The following CCNY variants were observed in gnomAD, a reference collection of about 807,000 sequenced individuals.
CCNY encodes the protein cyclin-Y.
CCNY carries 19 observed loss-of-function variants against 42.8 expected under a neutral mutation model. That is an observed-to-expected ratio of 0.44 (90% CI 0.31 to 0.65). The LOEUF (loss-of-function observed/expected upper bound fraction) is 0.65. CCNY is among the 30% of genes least tolerant of loss of function. The pLI is 0.07. For missense variants in CCNY, 370 were observed against 437.3 expected (o/e 0.85, Z 1.37); for synonymous variants, 165 against 162.7 (o/e 1.01, Z -0.11).
At chr10:35,545,689 C>G in intron 7 of CCNY, among the ~76,000 whole-genome samples, 1 of 152,124 alleles carries the variant, frequency 6.6e-6, no homozygotes, top group Non-Finnish European at 1.5e-5. Context: ...TAACCCATAT[C>G]CACAGGATAC....
intron 3 of CCNY, among the ~76,000 whole-genome samples, chr10:35,278,202 G>A (rs1362505595): frequency 2.0e-5 from 3 of 152,036 alleles, no homozygotes; most frequent in African/African-American, 7.2e-5. Flanking sequence ...CTATCATTAG[G>A]GACTGTCAAG....
At chr10:35,251,233 C>T (rs868752464) in intron 3 of CCNY, among the ~76,000 whole-genome samples, 62 of 151,602 alleles carry the variant, frequency 4.1e-4, no homozygotes, top group Middle Eastern at 3.4e-3. Flanking sequence ...CACATCTCGA[C>T]AAAAATAAAT....
intron 4 of CCNY, among the ~76,000 whole-genome samples, chr10:35,519,404 C>T (rs1840498162): frequency 6.6e-6 from 1 of 152,060 alleles, no homozygotes; most frequent in African/African-American, 2.4e-5. Context: ...TTGATTGAAT[C>T]TGGCTGAGGC....
intron 1 of CCNY, among the ~76,000 whole-genome samples, chr10:35,355,409 G>T (rs941391772): frequency 6.6e-6 from 1 of 151,992 alleles, no homozygotes; most frequent in Non-Finnish European, 1.5e-5. Context: ...GCGTGCGGTG[G>T]CTCCTGCCTT....
At chr10:35,284,828 A>T (rs147553094) in intron 3 of CCNY, among the ~76,000 whole-genome samples, 1 of 152,200 alleles carries the variant, frequency 6.6e-6, no homozygotes, top group Non-Finnish European at 1.5e-5. Flanking sequence ...TTTTCACTCA[A>T]TTCAAAATAA....
In CCNY at chr10:35,569,141, C is replaced by G. The variant is rs778417543; in HGVS notation, c.997C>G (p.Pro333Ala). The G allele has an allele frequency of 6.2e-7, 1 of 1,610,662 alleles. No homozygotes were observed. Among genetic ancestry groups the G allele is most frequent in the Non-Finnish European group, 8.5e-7 (1 of 1,178,570 alleles). Reference protein sequence around the residue: ...RSASADNLTLPRWSPAIIS With the variant: ...RSASADNLTLARWSPAIIS The stretch of plus-strand genomic sequence containing the variant: ...AGCCAGTGCAGACAACCTGACTCTG[C>G]CCCGGTGGTCCCCAGCCATCATCTC... The change falls in exon 10 of 10, where the codon CCC (proline) becomes GCC (alanine). Residue 333 changes from proline (P) to alanine (A), a missense_variant. Coordinates refer to ENST00000374704, the MANE Select transcript of CCNY (RefSeq NM_145012.6).
At chr10:35,527,069 C>T (rs1840668051) in intron 5 of CCNY, among the ~76,000 whole-genome samples, 2 of 141,894 alleles carry the variant, frequency 1.4e-5, no homozygotes, top group South Asian at 4.6e-4. Flanking sequence ...GGAGAAAACA[C>T]GAATATCCAG....
At chr10:35,465,460 A>G (rs1839239754) in intron 1 of CCNY, among the ~76,000 whole-genome samples, 7 of 152,192 alleles carry the variant, frequency 4.6e-5, no homozygotes, top group Admixed American at 4.6e-4. Flanking sequence ...TTTAATGAAT[A>G]TCCTTCTAAA....
intron 5 of CCNY, among the ~76,000 whole-genome samples, chr10:35,529,358 T>G (rs930762948): frequency 2.0e-5 from 3 of 152,204 alleles, no homozygotes; most frequent in African/African-American, 7.2e-5. Flanking sequence ...CAACCTTTGC[T>G]TGGAAATAAG....
rs138543549 is a variant in CCNY at position 35,444,370 on chromosome 10, C to T, written c.155-39034C>T. 4.5e-4 allele frequency among the ~76,000 whole-genome samples: 69 copies of T among 152,098 alleles called. 1 individual carries two copies. In the East Asian group the frequency reaches 0.011, roughly 25 times the overall value. On this transcript the variant is annotated intron_variant, in intron 1 of 9. Coordinates refer to ENST00000374704, the MANE Select transcript of CCNY (RefSeq NM_145012.6). ...TCAAGCTATTCTCCTGCCTCAGCCT[C>T]CCAAGTAGCTGGGATTATGGGTGTG...
At chr10:35,422,829 T>G (rs1194712847) in intron 1 of CCNY, among the ~76,000 whole-genome samples, 2 of 152,216 alleles carry the variant, frequency 1.3e-5, no homozygotes, top group Non-Finnish European at 2.9e-5. Context: ...TTTTTTTGTT[T>G]TATTGCTAAA....
intron 1 of CCNY, among the ~76,000 whole-genome samples, chr10:35,457,363 T>C (rs962510054): frequency 1.5e-4 from 23 of 152,308 alleles, no homozygotes; most frequent in Middle Eastern, 3.4e-3. Flanking sequence ...TGTGGTCATA[T>C]TGTCCACAGG....
chr10:35,558,136 G>T (rs1002895213), intron 8 of CCNY, among the ~76,000 whole-genome samples: 8 of 152,222 alleles, frequency 5.3e-5, no homozygotes, highest in African/African-American at 1.7e-4. Flanking sequence ...CATCTAAGTA[G>T]CCTGTCACTA....
Position 35,501,497 on chromosome 10 carries a change from A to G in CCNY, c.230-4A>G, listed in dbSNP as rs564790949. On this transcript the variant is annotated splice_region_variant and splice_polypyrimidine_tract_variant and intron_variant, in intron 2 of 9. Coordinates refer to ENST00000374704, the MANE Select transcript of CCNY (RefSeq NM_145012.6). ...CATTTCTGTTGCATCTTTTGTTTTC[A>G]CAGTGAGAGAAAAACGCAAGAGTCT... 2.0e-4 allele frequency: 319 copies of G among 1,613,682 alleles called. 1 individual carries two copies. The South Asian group carries it at 2.7e-3, about 14-fold the overall frequency.
intron 4 of CCNY, among the ~76,000 whole-genome samples, chr10:35,518,692 G>C (rs917103372): frequency 7.1e-6 from 1 of 140,784 alleles, no homozygotes; most frequent in Non-Finnish European, 1.5e-5. Context: ...GAGGTATACT[G>C]TGGGTATCTG....
chr10:35,531,832 G>A lies in CCNY; in HGVS notation c.579+1589G>A, dbSNP rs145066285. ...TTATTTAGCTTGAAGGATGTTCAGG[G>A]CCAGCATTTAAACCCCACAGCTCAC... On this transcript the variant is annotated intron_variant, in intron 7 of 9. Transcript: ENST00000374704. Among the ~76,000 whole-genome samples, 7 of 152,286 alleles carry A rather than the reference G, an allele frequency of 4.6e-5. No homozygotes were observed. In the East Asian group the frequency reaches 1.4e-3, roughly 29 times the overall value.
chr10:35,453,084 C>G (rs1366179964), intron 1 of CCNY, among the ~76,000 whole-genome samples: 1 of 152,202 alleles, frequency 6.6e-6, no homozygotes, highest in Non-Finnish European at 1.5e-5. Context: ...AAGCATTCCT[C>G]TTGTCTCAGC....
At chr10:35,482,802 T>TG (rs879381242) in intron 1 of CCNY, among the ~76,000 whole-genome samples, 229 of 102,732 alleles carry the variant, frequency 2.2e-3, no homozygotes, top group Non-Finnish European at 3.4e-3. Flanking sequence ...GTGTGTGTGT[T>TG]ATGTGTTTGA....
At chr10:35,300,325 C>T (rs1835519123) in intron 3 of CCNY, among the ~76,000 whole-genome samples, 1 of 152,130 alleles carries the variant, frequency 6.6e-6, no homozygotes, top group African/African-American at 2.4e-5. Context: ...CCACGCCCTG[C>T]CTGAGTTCCC....
Sources: allele counts gnomAD v4.1 joint callset (sites outside exome capture counted in the v4.1 genomes callset), GRCh38; gene constraint gnomAD v4.1.1; transcripts MANE v1.5; gene names NCBI Gene and HGNC (gene_info 2026-07-23, HGNC 2026-07-21).